The following DCDC1 variants were observed in gnomAD, a reference collection of about 807,000 sequenced individuals.
The protein encoded by DCDC1 is doublecortin domain-containing protein 1.
Under a neutral mutation model 178.3 loss-of-function variants are expected in DCDC1, and 200 were observed. The ratio of observed to expected loss-of-function variants is 1.12; its 90% CI spans 1.00 to 1.26. The LOEUF (loss-of-function observed/expected upper bound fraction) is 1.26, where lower values mean the gene tolerates loss of function less well. Ranked by LOEUF, DCDC1 falls within the 50% of genes most tolerant of loss-of-function variation. The pLI is 0.00. For synonymous variants in DCDC1, 690 were observed against 604.8 expected, an observed-to-expected ratio of 1.14 and a Z score of -2.07; for missense variants, 1,983 against 1,749.2, an observed-to-expected ratio of 1.13 and a Z score of -2.38.
chr11:31,272,585 G>C (rs976415534), intron 7 of DCDC1, among the ~76,000 whole-genome samples: 2 of 152,222 alleles, frequency 1.3e-5, no homozygotes, highest in African/African-American at 4.8e-5. Context: ...CCAAATGGGA[G>C]AAACTGGAGA....
chr11:31,355,417 A>G (rs144343655), intron 1 of DCDC1, among the ~76,000 whole-genome samples: 134 of 152,294 alleles, frequency 8.8e-4, no homozygotes, highest in African/African-American at 3.1e-3. Flanking sequence ...TCAGCTACCT[A>G]CGAACCAGGA....
chr11:31,217,098 G>A (rs571176029), intron 9 of DCDC1, among the ~76,000 whole-genome samples: 1 of 152,194 alleles, frequency 6.6e-6, no homozygotes, highest in Admixed American at 6.5e-5. Flanking sequence ...TCTACATTAA[G>A]CCTACAACAG....
At chr11:31,199,536 T>C (rs937443987) in intron 9 of DCDC1, among the ~76,000 whole-genome samples, 1 of 152,098 alleles carries the variant, frequency 6.6e-6, no homozygotes, top group Non-Finnish European at 1.5e-5. Flanking sequence ...ATACTAATTG[T>C]TCCGATTAAA....
rs545388148 is a variant in DCDC1, at chr11:31,268,218, T to C, written c.961-2618A>G. 9.5e-4 allele frequency among the ~76,000 whole-genome samples: 144 copies of C among 152,326 alleles called. 1 individual carries two copies. The highest frequency in any genetic ancestry group is 1.7e-3 in the Non-Finnish European group (118 of 68,032). On this transcript the variant is annotated intron_variant, in intron 7 of 38. Transcript: ENST00000684477. ...CTAGTTATGAGTGAAGGTTCAAATA[T>C]CTAAGTATCCTCTAAAGTTACAATT...
intron 8 of DCDC1, among the ~76,000 whole-genome samples, chr11:31,253,533 C>T (rs1944210647): frequency 6.6e-6 from 1 of 151,570 alleles, no homozygotes; most frequent in Non-Finnish European, 1.5e-5. Flanking sequence ...ACTGTATAAA[C>T]AATTTTATGG....
intron 9 of DCDC1, among the ~76,000 whole-genome samples, chr11:31,216,269 G>T (rs1324271204): frequency 6.6e-6 from 1 of 152,114 alleles, no homozygotes; most frequent in Non-Finnish European, 1.5e-5. Context: ...ACAGATAGAG[G>T]ATTAGATATA....
intron 11 of DCDC1, among the ~76,000 whole-genome samples, chr11:31,114,324 A>T (rs1371868672): frequency 6.6e-6 from 1 of 152,132 alleles, no homozygotes; most frequent in East Asian, 1.9e-4. Context: ...ACATTTGCAA[A>T]TTTTACAGGC....
chr11:31,271,568 A>G (rs1011051490), intron 7 of DCDC1, among the ~76,000 whole-genome samples: 1 of 152,054 alleles, frequency 6.6e-6, no homozygotes, highest in Admixed American at 6.5e-5. Flanking sequence ...CTTTTTTACC[A>G]TCACTTTACT....
chr11:30,935,237 T>C (rs755164132), intron 21 of DCDC1, among the ~76,000 whole-genome samples: 4 of 152,140 alleles, frequency 2.6e-5, no homozygotes, highest in Non-Finnish European at 5.9e-5. Flanking sequence ...AACCCTGAAA[T>C]TGGGTAGTCC....
chr11:31,142,588 T>A (rs1345703356), intron 9 of DCDC1, among the ~76,000 whole-genome samples: 1 of 152,226 alleles, frequency 6.6e-6, no homozygotes, highest in Non-Finnish European at 1.5e-5. Context: ...TAATAGAATT[T>A]CTTTAAAGAA....
rs951284402 is a variant in DCDC1 at position 31,328,038 on chromosome 11, T to C, written c.164+79A>G. On this transcript the variant is annotated intron_variant, in intron 3 of 38. Coordinates refer to ENST00000684477, the MANE Select transcript of DCDC1 (RefSeq NM_001387274.1). ...AGCCACCTGGCCCGGCCAAGACTGA[T>C]TGAAAATTTAAACTACTTTCTATAA... The C allele has an allele frequency of 5.0e-6, 7 of 1,413,014 alleles. No individual in the cohort carries two copies. In the African/African-American group the frequency reaches 7.2e-5, roughly 14 times the overall value. 87.5% of individuals were successfully genotyped at this position (1,413,014 alleles called of 1,614,324 possible).
At position 31,179,126 on chromosome 11, in the gene DCDC1, A is replaced by G. The variant is rs114654955; in HGVS notation, c.1222-41342T>C. Among the ~76,000 whole-genome samples, 256 of 152,340 alleles carry G rather than the reference A, an allele frequency of 1.7e-3. 2 individuals are homozygous for G. Among genetic ancestry groups the G allele is most frequent in the African/African-American group, 5.7e-3 (236 of 41,582 alleles). On this transcript the variant is annotated intron_variant, in intron 9 of 38. Coordinates refer to ENST00000684477, the MANE Select transcript of DCDC1 (RefSeq NM_001387274.1). ...CAGGTAAATGCAAACCAAACTCACA[A>G]TGATATATACCACCTTCCTCTAGTT...
At chr11:31,053,226 C>G (rs1955375328) in intron 20 of DCDC1, among the ~76,000 whole-genome samples, 1 of 151,996 alleles carries the variant, frequency 6.6e-6, no homozygotes, top group Non-Finnish European at 1.5e-5. Context: ...AACTGGAAAA[C>G]CTACAAGAGA....
In DCDC1 at chr11:30,900,686, T is replaced by G. The variant is rs190918848; in HGVS notation, c.4511-188A>C. ...TTCATATACAACCCAAAAAATAAAC[T>G]AATAAGATTGTAAATATGTTTTAAT... is the stretch of plus-strand genomic sequence containing the variant. On this transcript the variant is annotated intron_variant, in intron 32 of 38. Coordinates refer to ENST00000684477, the MANE Select transcript of DCDC1 (RefSeq NM_001387274.1). Among the ~76,000 whole-genome samples the G allele has an allele frequency of 3.0e-3, 458 of 152,236 alleles. 2 individuals carry two copies. The highest frequency in any genetic ancestry group is 3.8e-3 in the Non-Finnish European group (255 of 67,964).
At chr11:31,053,455 AG>A (rs1955393152) in intron 20 of DCDC1, among the ~76,000 whole-genome samples, 1 of 152,072 alleles carries the variant, frequency 6.6e-6, no homozygotes, top group Admixed American at 6.6e-5. Flanking sequence ...TGGAGAGAGA[AG>A]GAACTCTCCT....
intron 36 of DCDC1, chr11:30,883,616 T>G: frequency 4.2e-6 from 1 of 239,570 alleles, no homozygotes; most frequent in South Asian, 4.6e-5. Context: ...TTCAGTTATA[T>G]TTACACTTCG....
chr11:31,083,087 G>A (rs972670402), intron 17 of DCDC1, among the ~76,000 whole-genome samples: 3 of 152,166 alleles, frequency 2.0e-5, no homozygotes, highest in African/African-American at 4.8e-5. Context: ...GTATGTAAAG[G>A]AGTCCTTAAA....
At chr11:30,904,791 C>T (rs1944942120) in intron 31 of DCDC1, 170 bp downstream of exon 31, 1 of 756,270 alleles carries the variant, frequency 1.3e-6, no homozygotes, top group Non-Finnish European at 2.1e-6. Flanking sequence ...CACTGACATA[C>T]AATCAAATAA....
At chr11:31,193,301 T>C (rs1294501733) in intron 9 of DCDC1, among the ~76,000 whole-genome samples, 2 of 152,052 alleles carry the variant, frequency 1.3e-5, no homozygotes, top group East Asian at 1.9e-4. Context: ...ATACAAGGAC[T>C]GTCTCCCTCA....
Sources: allele counts gnomAD v4.1 joint callset (sites outside exome capture counted in the v4.1 genomes callset), GRCh38; gene constraint gnomAD v4.1.1; transcripts MANE v1.5; gene names NCBI Gene and HGNC (gene_info 2026-07-23, HGNC 2026-07-21).